The following CBFA2T2 variants were observed in gnomAD, a reference collection of about 807,000 sequenced individuals.
CBFA2T2 encodes the protein CBFA2/RUNX1 partner transcriptional co-repressor 2, also known as protein CBFA2T2.
CBFA2T2 carries 11 observed loss-of-function variants against 62.2 expected under a neutral mutation model. The ratio of observed to expected loss-of-function variants is 0.18; its 90% CI spans 0.11 to 0.29. The LOEUF is 0.29. Among genes scored for constraint, CBFA2T2 ranks in the 10% least tolerant of loss-of-function variants. The pLI is 1.00. For synonymous variants in CBFA2T2, 295 were observed against 287.5 expected, an observed-to-expected ratio of 1.03 and a Z score of -0.27; for missense variants, 592 against 774.1, an observed-to-expected ratio of 0.76 and a Z score of 2.79.
intron 4 of CBFA2T2, among the ~76,000 whole-genome samples, chr20:33,620,845 T>C (rs1360314399): frequency 6.6e-6 from 1 of 152,174 alleles, no homozygotes; most frequent in East Asian, 1.9e-4. Context: ...AAAAGTAAGC[T>C]GCAGACATTA....
intron 1 of CBFA2T2, among the ~76,000 whole-genome samples, chr20:33,582,112 T>C (rs956274305): frequency 6.6e-6 from 1 of 152,204 alleles, no homozygotes; most frequent in African/African-American, 2.4e-5. Context: ...CATGAACTCC[T>C]TGAAGGTTGG....
intron 1 of CBFA2T2, among the ~76,000 whole-genome samples, chr20:33,587,460 C>A (rs1030802868): frequency 2.6e-5 from 4 of 151,926 alleles, no homozygotes; most frequent in Non-Finnish European, 5.9e-5. Context: ...TAGAGACAGG[C>A]TTTCACCGTG....
At chr20:33,494,650 G>C (rs1216969691) in intron 1 of CBFA2T2, among the ~76,000 whole-genome samples, 1 of 151,462 alleles carries the variant, frequency 6.6e-6, no homozygotes, top group African/African-American at 2.4e-5. Context: ...GCCCAGGCTG[G>C]AGTGCAATGG....
chr20:33,548,822 G>A (rs2012651353), intron 1 of CBFA2T2, among the ~76,000 whole-genome samples: 2 of 152,102 alleles, frequency 1.3e-5, no homozygotes, highest in South Asian at 4.2e-4. Flanking sequence ...CAGACATGGT[G>A]GCATTCTTCT....
intron 8 of CBFA2T2, among the ~76,000 whole-genome samples, chr20:33,631,913 A>C (rs927697650): frequency 6.6e-6 from 1 of 152,214 alleles, no homozygotes; most frequent in African/African-American, 2.4e-5. Context: ...ATCCTAAATA[A>C]ATGTACTATG....
intron 1 of CBFA2T2, among the ~76,000 whole-genome samples, chr20:33,503,773 G>A (rs919789841): frequency 4.6e-5 from 7 of 151,928 alleles, no homozygotes; most frequent in Admixed American, 1.3e-4. Context: ...CTCCTGCCTC[G>A]ATCTCGCAAA....
At chr20:33,519,963 G>GGTCATTTAGTAGAGA (rs2011685505) in intron 1 of CBFA2T2, among the ~76,000 whole-genome samples, 2 of 151,850 alleles carry the variant, frequency 1.3e-5, no homozygotes, top group Non-Finnish European at 2.9e-5. Flanking sequence ...CCTGACCAAT[G>GGTCATTTAGTAGAGA]TGGAAGAAAC....
chr20:33,587,092 C>A (rs953109323), intron 1 of CBFA2T2, among the ~76,000 whole-genome samples: 1 of 151,976 alleles, frequency 6.6e-6, no homozygotes, highest in Admixed American at 6.6e-5. Flanking sequence ...CAGGCACCCC[C>A]CACCATGCCT....
intron 1 of CBFA2T2, among the ~76,000 whole-genome samples, chr20:33,524,358 T>G (rs1253856152): frequency 1.6e-4 from 25 of 152,154 alleles, no homozygotes; most frequent in Non-Finnish European, 1.5e-5. Context: ...GATTTTTGGA[T>G]TCTGTGGATT....
chr20:33,500,547 T>C (rs144177822), intron 1 of CBFA2T2, among the ~76,000 whole-genome samples: 208 of 151,946 alleles, frequency 1.4e-3, no homozygotes, highest in African/African-American at 4.8e-3. Context: ...CCGTCTCTAA[T>C]AAAAATACAA....
At chr20:33,628,134 G>A (rs189225400) in intron 6 of CBFA2T2, among the ~76,000 whole-genome samples, 9 of 152,194 alleles carry the variant, frequency 5.9e-5, no homozygotes, top group Non-Finnish European at 8.8e-5. Context: ...GGGCTATTTC[G>A]TGTTTTACAA....
intron 3 of CBFA2T2, among the ~76,000 whole-genome samples, chr20:33,616,131 AGATG>A (rs1172628745): frequency 6.8e-6 from 1 of 146,758 alleles, no homozygotes; most frequent in Non-Finnish European, 1.5e-5. Context: ...ATAGATAGAT[AGATG>A]ACAGAGCAAT....
chr20:33,548,974 GTCCA>G (rs145778204), intron 1 of CBFA2T2, among the ~76,000 whole-genome samples: 7,940 of 151,504 alleles, frequency 0.052, 216 homozygotes, highest in East Asian at 0.095. Context: ...CTGTCCATCC[GTCCA>G]TCCATCCATC....
chr20:33,643,825 A>ATGTGTGTGTGTG (rs58366038), intron 10 of CBFA2T2, among the ~76,000 whole-genome samples: 2 of 73,368 alleles, frequency 2.7e-5, no homozygotes, highest in African/African-American at 1.2e-4. Context: ...ATAGTATATA[A>ATGTGTGTGTGTG]TGTGTGTGTG....
intron 1 of CBFA2T2, among the ~76,000 whole-genome samples, chr20:33,594,232 T>C (rs1163756884): frequency 6.6e-6 from 1 of 152,088 alleles, no homozygotes; most frequent in Non-Finnish European, 1.5e-5. Context: ...TTTCTTTTCT[T>C]TTTTTTTGAG....
intron 1 of CBFA2T2, among the ~76,000 whole-genome samples, chr20:33,506,750 C>T (rs931839421): frequency 8.5e-5 from 13 of 152,132 alleles, no homozygotes; most frequent in Admixed American, 5.2e-4. Flanking sequence ...CAGGGAATTT[C>T]GGAGGAAGGA....
chr20:33,522,837 A>G (rs1248828824), intron 1 of CBFA2T2, among the ~76,000 whole-genome samples: 1 of 152,336 alleles, frequency 6.6e-6, no homozygotes, highest in African/African-American at 2.4e-5. Context: ...GAAGAGAGCT[A>G]GTAGTTTTGC....
At position 33,490,670 on chromosome 20, in the gene CBFA2T2, A is replaced by G. The variant is rs142489331; in HGVS notation, c.34+369A>G. Among the ~76,000 whole-genome samples the G allele has an allele frequency of 7.1e-3, 1,083 of 152,232 alleles. 17 individuals carry two copies. The highest frequency in any genetic ancestry group is 0.025 in the African/African-American group (1,048 of 41,538). ...GAAATACTACACCCGCCCGATGTTG[A>G]GGGTTGGAGGAGATGAGAATGGCCC... is the stretch of plus-strand genomic sequence containing the variant. On this transcript the variant is annotated intron_variant, in intron 1 of 10. Transcript: ENST00000342704.
At chr20:33,510,327 C>T (rs921278943) in intron 1 of CBFA2T2, among the ~76,000 whole-genome samples, 5 of 151,934 alleles carry the variant, frequency 3.3e-5, no homozygotes, top group African/African-American at 1.2e-4. Flanking sequence ...TCTCCTGCCT[C>T]AGCCTCCCGA....
Sources: gnomAD v4.1 joint callset for allele counts (sites outside exome capture counted in the v4.1 genomes callset) on GRCh38, gnomAD v4.1.1 for gene constraint, MANE v1.5 for transcripts, NCBI Gene and HGNC (gene_info 2026-07-23, HGNC 2026-07-21) for gene names.